The following CNTNAP2 variants were observed in gnomAD, a reference collection of about 807,000 sequenced individuals.
The protein encoded by CNTNAP2 is contactin associated protein 2.
CNTNAP2 carries 98 observed loss-of-function variants against 155.2 expected under a neutral mutation model. That is an observed-to-expected ratio of 0.63 (90% CI 0.54 to 0.75). CNTNAP2 has a LOEUF of 0.75. Ranked by LOEUF, CNTNAP2 falls within the 30% of genes least tolerant of loss-of-function variation. The pLI is 0.00. For missense variants in CNTNAP2, 1,727 were observed against 1,688.1 expected (o/e 1.02, Z -0.40); for synonymous variants, 651 against 631.2 (o/e 1.03, Z -0.47).
chr7:146,262,002 A>C (rs1304429185), intron 1 of CNTNAP2, among the ~76,000 whole-genome samples: 1 of 152,172 alleles, frequency 6.6e-6, no homozygotes, highest in African/African-American at 2.4e-5. Context: ...AAACATGCTC[A>C]GTGTGTGTGT....
At chr7:146,950,811 T>A (rs908460902) in intron 3 of CNTNAP2, among the ~76,000 whole-genome samples, 7 of 152,158 alleles carry the variant, frequency 4.6e-5, no homozygotes, top group Non-Finnish European at 5.9e-5. Flanking sequence ...ATATACCTAG[T>A]CATGGGATTG....
At chr7:147,354,079 G>A (rs1440666911) in intron 9 of CNTNAP2, among the ~76,000 whole-genome samples, 1 of 151,812 alleles carries the variant, frequency 6.6e-6, no homozygotes, top group Admixed American at 6.6e-5. Context: ...CTCCCATTCT[G>A]TAGGTTGCCT....
chr7:146,805,463 T>A (rs998381964), intron 2 of CNTNAP2, among the ~76,000 whole-genome samples: 1 of 152,140 alleles, frequency 6.6e-6, no homozygotes, highest in Non-Finnish European at 1.5e-5. Flanking sequence ...TTATTAAATA[T>A]GTAGAGAGCA....
chr7:147,893,913 G>A (rs999020519), intron 13 of CNTNAP2, among the ~76,000 whole-genome samples: 1 of 152,092 alleles, frequency 6.6e-6, no homozygotes, highest in African/African-American at 2.4e-5. Context: ...CTGGGGGAGG[G>A]GTTCCCATCA....
At chr7:146,892,457 C>T (rs780261346) in intron 3 of CNTNAP2, among the ~76,000 whole-genome samples, 2 of 152,128 alleles carry the variant, frequency 1.3e-5, no homozygotes, top group African/African-American at 2.4e-5. Flanking sequence ...AGAAGAGAGC[C>T]ATAGAATTTG....
At chr7:148,032,974 AG>A (rs1180757158) in intron 15 of CNTNAP2, among the ~76,000 whole-genome samples, 1 of 152,202 alleles carries the variant, frequency 6.6e-6, no homozygotes, top group African/African-American at 2.4e-5. Context: ...GCTGGATATC[AG>A]CCAGGTTCCA....
chr7:147,733,271 T>C (rs1157177068), intron 13 of CNTNAP2, among the ~76,000 whole-genome samples: 2 of 150,970 alleles, frequency 1.3e-5, no homozygotes, highest in African/African-American at 4.8e-5. Flanking sequence ...TTTTGTTAAA[T>C]AGGGAATCCT....
intron 4 of CNTNAP2, among the ~76,000 whole-genome samples, chr7:147,076,153 G>A (rs141091435): frequency 6.6e-6 from 1 of 152,302 alleles, no homozygotes; most frequent in East Asian, 1.9e-4. Context: ...ACCCAGTAAT[G>A]GGACAGCTGG....
chr7:147,788,050 G>A (rs1021615624), intron 13 of CNTNAP2, among the ~76,000 whole-genome samples: 4 of 152,168 alleles, frequency 2.6e-5, no homozygotes, highest in Admixed American at 2.6e-4. Context: ...CTTTGGGATA[G>A]TATTATTCTG....
intron 13 of CNTNAP2, among the ~76,000 whole-genome samples, chr7:147,771,278 C>A (rs75198804): frequency 1.3e-5 from 2 of 152,022 alleles, no homozygotes; most frequent in African/African-American, 4.8e-5. Context: ...TCTTAATAAC[C>A]TCAGGTTAGA....
At chr7:146,562,157 C>T (rs1798289737) in intron 1 of CNTNAP2, among the ~76,000 whole-genome samples, 1 of 152,146 alleles carries the variant, frequency 6.6e-6, no homozygotes. Context: ...ACCACTTAAA[C>T]AGATGACTTG....
chr7:148,275,109 C>T (rs534112889), intron 21 of CNTNAP2, among the ~76,000 whole-genome samples: 18 of 152,146 alleles, frequency 1.2e-4, no homozygotes, highest in Non-Finnish European at 2.5e-4. Context: ...CCTTTGGAAA[C>T]TTTATATATT....
At chr7:146,247,744 T>G (rs1799685439) in intron 1 of CNTNAP2, among the ~76,000 whole-genome samples, 1 of 152,124 alleles carries the variant, frequency 6.6e-6, no homozygotes, top group African/African-American at 2.4e-5. Flanking sequence ...AATAAGACGC[T>G]TAGATTTTAG....
intron 1 of CNTNAP2, among the ~76,000 whole-genome samples, chr7:146,289,235 A>G (rs1041106753): frequency 4.6e-5 from 7 of 152,214 alleles, no homozygotes; most frequent in African/African-American, 4.8e-5. Context: ...TTACACAAAA[A>G]GTAAATTTAA....
intron 14 of CNTNAP2, among the ~76,000 whole-genome samples, chr7:147,958,615 C>T (rs891362984): frequency 2.6e-5 from 4 of 151,990 alleles, no homozygotes; most frequent in Non-Finnish European, 5.9e-5. Context: ...AAACCTAGAG[C>T]CAAAAATATA....
chr7:146,871,435 TAGG>T (rs1487417135), intron 3 of CNTNAP2, among the ~76,000 whole-genome samples: 1 of 151,870 alleles, frequency 6.6e-6, no homozygotes, highest in Non-Finnish European at 1.5e-5. Context: ...GAGGCTGAGA[TAGG>T]AGAATTGCTC....
intron 21 of CNTNAP2, among the ~76,000 whole-genome samples, chr7:148,331,763 T>TGGATGGATAGAG (rs1563046107): frequency 6.6e-5 from 1 of 15,164 alleles, no homozygotes; most frequent in Admixed American, 6.7e-4. Flanking sequence ...GACGGATGGA[T>TGGATGGATAGAG]TGGATGGATG....
chr7:147,721,659 T>C (rs1438949440), intron 13 of CNTNAP2, among the ~76,000 whole-genome samples: 2 of 152,114 alleles, frequency 1.3e-5, no homozygotes, highest in Admixed American at 6.6e-5. Flanking sequence ...AAAAAATAAA[T>C]CAGTTTCTCT....
chr7:147,164,752 C>G (rs1217931425), intron 8 of CNTNAP2, among the ~76,000 whole-genome samples: 1 of 152,126 alleles, frequency 6.6e-6, no homozygotes. Flanking sequence ...ATGCGCTTTT[C>G]AAATTGAGGG....
Sources: gnomAD v4.1 joint callset for allele counts (sites outside exome capture counted in the v4.1 genomes callset) on GRCh38, gnomAD v4.1.1 for gene constraint, MANE v1.5 for transcripts, NCBI Gene and HGNC (gene_info 2026-07-23, HGNC 2026-07-21) for gene names.